EDNRB: variants seen among roughly 807,000 people sequenced by gnomAD.
EDNRB encodes the protein endothelin receptor type B, also known as Hirschsprung disease 2.
In EDNRB, 18 loss-of-function variants were observed where a neutral mutation model predicts 46.4. That is an observed-to-expected ratio of 0.39 (90% CI 0.27 to 0.57). The LOEUF is 0.57. Ranked by LOEUF, EDNRB falls within the 20% of genes least tolerant of loss-of-function variation. EDNRB has a pLI of 0.61. For missense variants in EDNRB, 434 were observed against 537.5 expected (o/e 0.81, Z 1.90); for synonymous variants, 213 against 204.9 (o/e 1.04, Z -0.34).
chr13:77,918,302 T>C lies in EDNRB; in HGVS notation c.272A>G (p.Gln91Arg). The change falls in exon 1 of 7, where the codon CAA becomes CGA. Residue 91 changes from glutamine to arginine, a missense_variant. Physicochemically the swap from Gln to Arg is conservative, Grantham distance 43 (BLOSUM62 1). Transcript: ENST00000646607. This position sits in a 1 kb window ranked among gnomAD's most constrained non-coding sequence, Gnocchi z 4.5. The part of the protein sequence containing the change: ...PPRTISPPPC[Q>R]GPIEIKETFK... ...AGTCTCCTTGATCTCGATGGGTCCT[T>C]GGCACGGGGGAGGGGAGATGGTGCG... The C allele has an allele frequency of 6.2e-7, 1 of 1,611,418 alleles. No individual in the cohort carries two copies. Among genetic ancestry groups the C allele is most frequent in the Non-Finnish European group, 8.5e-7 (1 of 1,178,830 alleles).
At chr13:77,922,141 G>C (rs537884149), upstream of EDNRB, among the ~76,000 whole-genome samples, 3 of 150,306 alleles carry the variant, frequency 2.0e-5, no homozygotes, top group African/African-American at 2.4e-5. Context: ...TTTTTGGCTA[G>C]GTAAATGTGG....
At chr13:77,946,847 T>C (rs948514860) in intron 1 of EDNRB, among the ~76,000 whole-genome samples, 16 of 152,210 alleles carry the variant, frequency 1.1e-4, no homozygotes, top group African/African-American at 3.9e-4. Flanking sequence ...GTTATTTCCA[T>C]AAAAATCACC....
intron 1 of EDNRB, among the ~76,000 whole-genome samples, chr13:77,933,888 CG>C (rs1880475378): frequency 1.3e-5 from 2 of 151,894 alleles, no homozygotes; most frequent in Non-Finnish European, 2.9e-5. Flanking sequence ...GGCCTGGGTA[CG>C]GTTTTGTATG....
chr13:77,934,309 C>T (rs968083417), intron 1 of EDNRB, among the ~76,000 whole-genome samples: 1 of 152,144 alleles, frequency 6.6e-6, no homozygotes, highest in Non-Finnish European at 1.5e-5. Context: ...GGTGGCTGAA[C>T]TTGGTGAAGT....
intron 4 of EDNRB, 143 bp downstream of exon 4, chr13:77,900,915 A>C: frequency 5.1e-6 from 5 of 989,234 alleles, no homozygotes; most frequent in Non-Finnish European, 7.2e-6. Flanking sequence ...AATATTCTTT[A>C]TCTATTTAAA....
At chr13:77,967,760 C>T (rs1341061404) in intron 1 of EDNRB, among the ~76,000 whole-genome samples, 1 of 152,184 alleles carries the variant, frequency 6.6e-6, no homozygotes, top group Non-Finnish European at 1.5e-5. Context: ...TTGCTGTCCT[C>T]ACTCAGGTTT....
intron 1 of EDNRB, among the ~76,000 whole-genome samples, chr13:77,958,917 T>C (rs1230986652): frequency 1.3e-5 from 2 of 152,192 alleles, no homozygotes; most frequent in Non-Finnish European, 2.9e-5. Context: ...GTATGGAATA[T>C]GTATTTACAA....
upstream of EDNRB, among the ~76,000 whole-genome samples, chr13:77,920,560 C>T (rs1040178120): frequency 6.6e-6 from 1 of 152,114 alleles, no homozygotes; most frequent in Non-Finnish European, 1.5e-5. Context: ...ATTTTTGGCT[C>T]TTAGGCAATG....
chr13:77,944,268 T>C (rs564269283), intron 1 of EDNRB, among the ~76,000 whole-genome samples: 3 of 152,246 alleles, frequency 2.0e-5, no homozygotes, highest in African/African-American at 4.8e-5. Flanking sequence ...AGAAGATTCT[T>C]GGTCTTGAAT....
chr13:77,960,575 G>A (rs1344077404), intron 1 of EDNRB, among the ~76,000 whole-genome samples: 1 of 152,128 alleles, frequency 6.6e-6, no homozygotes, highest in African/African-American at 2.4e-5. Context: ...ACCAGCCACT[G>A]CAAAAACATG....
intron 1 of EDNRB, among the ~76,000 whole-genome samples, chr13:77,965,217 C>G (rs1304759485): frequency 6.6e-6 from 1 of 152,142 alleles, no homozygotes; most frequent in African/African-American, 2.4e-5. Flanking sequence ...TCATTGCCTA[C>G]TTCTCATTCT....
chr13:77,920,856 G>A (rs1391394600), upstream of EDNRB, among the ~76,000 whole-genome samples: 1 of 152,202 alleles, frequency 6.6e-6, no homozygotes, highest in African/African-American at 2.4e-5. Flanking sequence ...ATTTTGCTTA[G>A]TTGACTCCAC....
intron 1 of EDNRB, among the ~76,000 whole-genome samples, chr13:77,952,003 G>A (rs1421180805): frequency 6.6e-6 from 1 of 152,172 alleles, no homozygotes; most frequent in Non-Finnish European, 1.5e-5. Flanking sequence ...CCCAAAATTA[G>A]CCTTTGGGTC....
intron 1 of EDNRB, among the ~76,000 whole-genome samples, chr13:77,947,164 T>C (rs978166574): frequency 3.9e-5 from 6 of 152,216 alleles, no homozygotes; most frequent in African/African-American, 1.4e-4. Flanking sequence ...ACATATAAAG[T>C]AATAATGATC....
chr13:77,901,508 A>G (rs921707131), intron 3 of EDNRB, among the ~76,000 whole-genome samples: 2 of 152,034 alleles, frequency 1.3e-5, no homozygotes, highest in African/African-American at 4.8e-5. Flanking sequence ...TTGTCTTCAC[A>G]TAAGAAACTT....
chr13:77,938,442 T>G (rs1403246191), intron 1 of EDNRB, among the ~76,000 whole-genome samples: 1 of 150,258 alleles, frequency 6.7e-6, no homozygotes, highest in African/African-American at 2.5e-5. Context: ...GGGGTTCTTG[T>G]CCCCTAGAAA....
chr13:77,959,608 G>C (rs1881342820), intron 1 of EDNRB, among the ~76,000 whole-genome samples: 1 of 152,196 alleles, frequency 6.6e-6, no homozygotes, highest in Non-Finnish European at 1.5e-5. Flanking sequence ...GAACAGAAAA[G>C]CTGAAAATTC....
chr13:77,916,773 T>C (rs1879826650), intron 1 of EDNRB, among the ~76,000 whole-genome samples: 1 of 152,232 alleles, frequency 6.6e-6, no homozygotes, highest in African/African-American at 2.4e-5. Flanking sequence ...TAGGCAAATC[T>C]GCAAAGCACA....
At chr13:77,955,434 TTTAA>T (rs2137678393) in intron 1 of EDNRB, among the ~76,000 whole-genome samples, 1 of 152,322 alleles carries the variant, frequency 6.6e-6, no homozygotes, top group African/African-American at 2.4e-5. Context: ...CATTTTATTT[TTTAA>T]TTGTTTCCTT....
Sources: allele counts gnomAD v4.1 joint callset (sites outside exome capture counted in the v4.1 genomes callset), GRCh38; gene constraint gnomAD v4.1.1; non-coding constraint Gnocchi (gnomAD v3.1); transcripts MANE v1.5; gene names NCBI Gene and HGNC (gene_info 2026-07-23, HGNC 2026-07-21).